The following KATNAL1 variants were observed in gnomAD, a reference collection of about 807,000 sequenced individuals.
KATNAL1 encodes the protein katanin catalytic subunit A1 like 1.
A neutral mutation model predicts 55.2 loss-of-function variants in KATNAL1; 32 were observed. The ratio of observed to expected loss-of-function variants is 0.58; its 90% confidence interval spans 0.44 to 0.78. The LOEUF is 0.78. KATNAL1 is among the 30% of genes least tolerant of loss of function. The pLI is 0.00. For missense variants in KATNAL1, 466 were observed against 600.9 expected (o/e 0.78, Z 2.35); for synonymous variants, 193 against 193.6 (o/e 1.00, Z 0.02).
intron 9 of KATNAL1, among the ~76,000 whole-genome samples, chr13:30,225,208 C>A (rs1875329873): frequency 6.6e-6 from 1 of 152,122 alleles, no homozygotes; most frequent in Non-Finnish European, 1.5e-5. Flanking sequence ...GATTCCACCC[C>A]CACAGGTAGA....
intron 4 of KATNAL1, among the ~76,000 whole-genome samples, chr13:30,244,303 C>A (rs1877566794): frequency 6.6e-6 from 1 of 152,116 alleles, no homozygotes. Context: ...GTATATGTGC[C>A]ACATTTTCTT....
intron 1 of KATNAL1, among the ~76,000 whole-genome samples, chr13:30,292,578 C>T (rs1882205113): frequency 6.6e-6 from 1 of 152,180 alleles, no homozygotes; most frequent in Non-Finnish European, 1.5e-5. Flanking sequence ...CTGACCTTTG[C>T]TCTGGAGAAA....
chr13:30,259,530 C>T (rs201634209), intron 3 of KATNAL1, among the ~76,000 whole-genome samples: 246 of 152,238 alleles, frequency 1.6e-3, no homozygotes, highest in Admixed American at 7.4e-3. Flanking sequence ...GTGCACGAGC[C>T]GAAGCAGGGC....
intron 9 of KATNAL1, among the ~76,000 whole-genome samples, chr13:30,223,408 C>G (rs1162599078): frequency 8.2e-6 from 1 of 121,838 alleles, no homozygotes; most frequent in African/African-American, 3.1e-5. Flanking sequence ...TGCCACTGCA[C>G]TCCAGCCAGG....
In KATNAL1 at chr13:30,260,037, G is replaced by A. The variant is rs7988756; in HGVS notation, c.324-4422C>T. Among the ~76,000 whole-genome samples the A allele has an allele frequency of 4.3e-3, 651 of 152,314 alleles. 5 individuals carry two copies. Among genetic ancestry groups the A allele is most frequent in the African/African-American group, 0.014 (590 of 41,568 alleles). On this transcript the variant is annotated intron_variant, in intron 3 of 10. Transcript: ENST00000380615. ...GCAGCTGGAGATCTGAGAACAGGCA[G>A]ACTGCCTCCTCAAGTGGGTCCCTGA...
chr13:30,257,364 G>C (rs1436054206), intron 3 of KATNAL1, among the ~76,000 whole-genome samples: 6 of 152,130 alleles, frequency 3.9e-5, no homozygotes, highest in Non-Finnish European at 4.4e-5. Flanking sequence ...TTTGTAAGCG[G>C]CTTCACCTGC....
At chr13:30,293,392 ACCCCGG>A (rs1882268944) in intron 1 of KATNAL1, among the ~76,000 whole-genome samples, 1 of 152,154 alleles carries the variant, frequency 6.6e-6, no homozygotes, top group South Asian at 2.1e-4. Flanking sequence ...CACTGTGTAC[ACCCCGG>A]CAACACCCCT....
intron 9 of KATNAL1, among the ~76,000 whole-genome samples, chr13:30,221,819 A>T (rs1217579887): frequency 6.6e-6 from 1 of 152,192 alleles, no homozygotes; most frequent in Non-Finnish European, 1.5e-5. Flanking sequence ...TGAGAGGTGG[A>T]GGCTGGTGGA....
chr13:30,306,214 T>C (rs1883166631), intron 1 of KATNAL1, among the ~76,000 whole-genome samples: 1 of 152,180 alleles, frequency 6.6e-6, no homozygotes, highest in South Asian at 2.1e-4. Context: ...TACCAGCAAG[T>C]CTTTGAGTCA....
At position 30,280,219 on chromosome 13, in the gene KATNAL1, C is replaced by T. The variant is rs745551420; in HGVS notation, c.167G>A (p.Arg56Gln). ...TTCATATTCCTCCAATAATTCCTGCCGAACCTTAAAAAAAAAAAATAGGCT... is the reference window on the plus strand; with the variant it reads ...TTCATATTCCTCCAATAATTCCTGCTGAACCTTAAAAAAAAAAAATAGGCT... ...PAIKGKWQQV[R>Q]QELLEEYEQV... The change falls in exon 3 of 11, where the codon CGG becomes CAG. Residue 56 changes from arginine to glutamine, a missense_variant. Arg to Gln is a conservative substitution (Grantham distance 43). This residue lies in a region of KATNAL1 where 248 missense variants were observed against 275.5 expected (regional missense o/e 0.90). Coordinates refer to ENST00000380615, the MANE Select transcript of KATNAL1 (RefSeq NM_032116.5). 1.9e-6 allele frequency: 3 copies of T among 1,563,464 alleles called. No individual in the cohort carries two copies. Among genetic ancestry groups the T allele is most frequent in the East Asian group, 2.3e-5 (1 of 43,864 alleles).
intron 4 of KATNAL1, among the ~76,000 whole-genome samples, chr13:30,242,720 T>G (rs1797769750): frequency 6.6e-6 from 1 of 152,054 alleles, no homozygotes; most frequent in South Asian, 2.1e-4. Flanking sequence ...AAGAAGTGTG[T>G]GTATAGGCCA....
chr13:30,281,122 C>CA (rs1263107106), intron 2 of KATNAL1, among the ~76,000 whole-genome samples: 3,840 of 63,008 alleles, frequency 0.061, 121 homozygotes, highest in African/African-American at 0.12. Context: ...GAATCCATGT[C>CA]AAAAAAAAAA....
At chr13:30,305,065 C>T (rs1025724213) in intron 1 of KATNAL1, among the ~76,000 whole-genome samples, 1 of 152,182 alleles carries the variant, frequency 6.6e-6, no homozygotes, top group Non-Finnish European at 1.5e-5. Context: ...GGCTTTTCTA[C>T]TACCTGTAAT....
chr13:30,258,468 T>C (rs1485135354), intron 3 of KATNAL1, among the ~76,000 whole-genome samples: 1 of 152,214 alleles, frequency 6.6e-6, no homozygotes, highest in African/African-American at 2.4e-5. Flanking sequence ...TCAACTTTTA[T>C]TTTAGATTCA....
intron 1 of KATNAL1, among the ~76,000 whole-genome samples, chr13:30,288,991 T>C (rs1881968539): frequency 6.6e-6 from 1 of 152,242 alleles, no homozygotes; most frequent in African/African-American, 2.4e-5. Flanking sequence ...CAGCTTTATT[T>C]GTCCACCTGA....
At chr13:30,237,723 T>G (rs1242000659) in intron 6 of KATNAL1, among the ~76,000 whole-genome samples, 1 of 152,134 alleles carries the variant, frequency 6.6e-6, no homozygotes, top group African/African-American at 2.4e-5. Flanking sequence ...TACCAAAATT[T>G]AAAACTCAAA....
intron 9 of KATNAL1, among the ~76,000 whole-genome samples, chr13:30,216,682 G>A (rs559564756): frequency 7.2e-5 from 11 of 152,190 alleles, no homozygotes; most frequent in Non-Finnish European, 1.5e-4. Flanking sequence ...CTGGTGGCAG[G>A]AGGGGTAGGG....
chr13:30,302,110 A>G (rs1882895068), intron 1 of KATNAL1, among the ~76,000 whole-genome samples: 1 of 152,188 alleles, frequency 6.6e-6, no homozygotes, highest in Non-Finnish European at 1.5e-5. Context: ...CCTGGACTCA[A>G]GCTTTCTGCC....
At chr13:30,250,766 G>A (rs771203782) in intron 4 of KATNAL1, among the ~76,000 whole-genome samples, 7 of 152,182 alleles carry the variant, frequency 4.6e-5, no homozygotes, top group African/African-American at 7.2e-5. Flanking sequence ...ATTCTATTTA[G>A]AAGCATATAT....
Sources: gnomAD v4.1 joint callset for allele counts (sites outside exome capture counted in the v4.1 genomes callset) on GRCh38, gnomAD v4.1.1 for gene constraint, gnomAD v4.1.1 regional missense constraint, MANE v1.5 for transcripts, NCBI Gene and HGNC (gene_info 2026-07-23, HGNC 2026-07-21) for gene names.